The following CDK14 variants were observed in gnomAD, a reference collection of about 807,000 sequenced individuals.
The protein encoded by CDK14 is cyclin dependent kinase 14, also known as cyclin-dependent kinase 14.
A neutral mutation model predicts 60.7 loss-of-function variants in CDK14; 34 were observed. The observed-to-expected ratio is 0.56, with a 90% confidence interval of 0.43 to 0.75. The LOEUF (loss-of-function observed/expected upper bound fraction) is 0.75, where lower values mean the gene tolerates loss of function less well. Ranked by LOEUF, CDK14 falls within the 30% of genes least tolerant of loss-of-function variation. The pLI, the probability that CDK14 is intolerant of heterozygous loss-of-function variation, is 0.00. For missense variants in CDK14, 482 were observed against 564.1 expected (o/e 0.85, Z 1.47); for synonymous variants, 197 against 203.7 (o/e 0.97, Z 0.28).
intron 2 of CDK14, among the ~76,000 whole-genome samples, chr7:90,691,515 G>T (rs1397585904): frequency 6.6e-6 from 1 of 152,084 alleles, no homozygotes; most frequent in African/African-American, 2.4e-5. Flanking sequence ...GAGAGTAGTA[G>T]GAATTTTTCA....
intron 5 of CDK14, 98 bp from the exon 6 acceptor site, chr7:90,863,077 A>G: frequency 1.7e-6 from 1 of 576,050 alleles, no homozygotes; most frequent in Non-Finnish European, 3.1e-6. Context: ...ATGTGAAAAT[A>G]GATATCTCTC....
chr7:91,112,323 A>C (rs1441482166), intron 12 of CDK14, among the ~76,000 whole-genome samples: 1 of 152,064 alleles, frequency 6.6e-6, no homozygotes, highest in Non-Finnish European at 1.5e-5. Flanking sequence ...TAGTAGAAAT[A>C]TTTTAAATCA....
intron 2 of CDK14, among the ~76,000 whole-genome samples, chr7:90,668,531 T>C (rs1465939446): frequency 2.6e-5 from 4 of 152,088 alleles, no homozygotes; most frequent in African/African-American, 9.7e-5. Flanking sequence ...AATTTGTCTA[T>C]TTTTTCTTTT....
chr7:90,948,372 T>G (rs189342342), intron 8 of CDK14, among the ~76,000 whole-genome samples: 1 of 152,346 alleles, frequency 6.6e-6, no homozygotes. Context: ...AATGCAGATG[T>G]GATATGGGAT....
chr7:90,730,639 G>T (rs927315724), intron 3 of CDK14, among the ~76,000 whole-genome samples: 1 of 152,122 alleles, frequency 6.6e-6, no homozygotes, highest in Admixed American at 6.5e-5. Context: ...TTTGTTGGCT[G>T]CATAAATGTC....
chr7:91,081,105 T>C (rs1369109102), intron 12 of CDK14, among the ~76,000 whole-genome samples: 1 of 152,240 alleles, frequency 6.6e-6, no homozygotes, highest in Non-Finnish European at 1.5e-5. Flanking sequence ...AATATTAAAA[T>C]GCTACTTTCT....
intron 14 of CDK14, among the ~76,000 whole-genome samples, chr7:91,205,684 T>A (rs559207746): frequency 5.2e-5 from 8 of 152,392 alleles, no homozygotes; most frequent in African/African-American, 1.9e-4. Context: ...ATTAATTTTT[T>A]ATATAAATTT....
intron 11 of CDK14, among the ~76,000 whole-genome samples, chr7:91,056,338 T>C (rs560391156): frequency 6.6e-6 from 1 of 151,134 alleles, no homozygotes; most frequent in South Asian, 2.1e-4. Context: ...CCTGGAAATA[T>C]TGGAAGCACA....
At chr7:91,012,691 C>T (rs1396946210) in intron 10 of CDK14, among the ~76,000 whole-genome samples, 2 of 152,150 alleles carry the variant, frequency 1.3e-5, no homozygotes, top group East Asian at 3.8e-4. Context: ...TGAGTTGCTT[C>T]AGGCAGGAAG....
intron 2 of CDK14, among the ~76,000 whole-genome samples, chr7:90,677,699 C>T (rs1004126560): frequency 3.3e-5 from 5 of 150,774 alleles, no homozygotes; most frequent in Admixed American, 2.6e-4. Context: ...CAGCTGTGCC[C>T]GATGCATTTA....
chr7:90,853,397 A>G (rs1163485945), intron 5 of CDK14, among the ~76,000 whole-genome samples: 2 of 152,042 alleles, frequency 1.3e-5, no homozygotes, highest in Admixed American at 6.6e-5. Flanking sequence ...GAGAGAGGGG[A>G]AACCCAAGGA....
At chr7:90,796,885 G>A (rs370434645) in intron 5 of CDK14, among the ~76,000 whole-genome samples, 34 of 151,966 alleles carry the variant, frequency 2.2e-4, no homozygotes, top group African/African-American at 7.5e-4. Context: ...TTGTGGAAGC[G>A]AATGTTGAGT....
chr7:90,654,065 C>A (rs1173461606), intron 2 of CDK14, among the ~76,000 whole-genome samples: 1 of 152,152 alleles, frequency 6.6e-6, no homozygotes, highest in Non-Finnish European at 1.5e-5. Context: ...TTCAGTCTGT[C>A]ATTGTTGGAC....
At chr7:90,628,692 AG>A (rs1477381157) in intron 2 of CDK14, among the ~76,000 whole-genome samples, 8 of 152,224 alleles carry the variant, frequency 5.3e-5, no homozygotes, top group Admixed American at 2.0e-4. Context: ...CAACTTAGAC[AG>A]GCATGGGGTT....
intron 12 of CDK14, among the ~76,000 whole-genome samples, chr7:91,087,992 T>C (rs1289207461): frequency 6.6e-6 from 1 of 152,198 alleles, no homozygotes; most frequent in Non-Finnish European, 1.5e-5. Context: ...AAGAAACCCA[T>C]AGACAGGTCA....
intron 14 of CDK14, among the ~76,000 whole-genome samples, chr7:91,143,345 T>G (rs1469556761): frequency 2.6e-5 from 4 of 152,208 alleles, no homozygotes; most frequent in Non-Finnish European, 5.9e-5. Context: ...TACAAGCTAC[T>G]TTTTTTCTTA....
chr7:90,758,749 T>C (rs1357871694), intron 4 of CDK14, among the ~76,000 whole-genome samples: 4 of 152,334 alleles, frequency 2.6e-5, no homozygotes, highest in East Asian at 1.9e-4. Flanking sequence ...ATATTCTATA[T>C]AAGCTAGAAC....
At chr7:91,100,542 T>C (rs1031303160) in intron 12 of CDK14, among the ~76,000 whole-genome samples, 3 of 152,224 alleles carry the variant, frequency 2.0e-5, no homozygotes, top group Admixed American at 2.0e-4. Flanking sequence ...TTTATGATAA[T>C]GTCTGTATCA....
At chr7:90,658,033 T>A (rs1187943093) in intron 2 of CDK14, among the ~76,000 whole-genome samples, 2 of 152,150 alleles carry the variant, frequency 1.3e-5, no homozygotes, top group African/African-American at 4.8e-5. Flanking sequence ...ACTTTTTTTA[T>A]AATTAGGTTG....
Sources: allele counts gnomAD v4.1 joint callset (sites outside exome capture counted in the v4.1 genomes callset), GRCh38; gene constraint gnomAD v4.1.1; transcripts MANE v1.5; gene names NCBI Gene and HGNC (gene_info 2026-07-23, HGNC 2026-07-21).